Variants in PCDHGA12 observed in about 807,000 individuals in gnomAD.
The protein encoded by PCDHGA12 is protocadherin gamma-A12.
In PCDHGA12, 43 loss-of-function variants were observed where a neutral mutation model predicts 61.1. The ratio of observed to expected loss-of-function variants is 0.70; its 90% CI spans 0.55 to 0.91. PCDHGA12 has a LOEUF of 0.91. PCDHGA12 is among the 40% of genes least tolerant of loss of function. The pLI is 0.00. For synonymous variants in PCDHGA12, 520 were observed against 542.9 expected (o/e 0.96, Z 0.59); for missense variants, 1,236 against 1,227.7 (o/e 1.01, Z -0.10).
chr5:141,489,994 C>A lies in PCDHGA12; in HGVS notation c.2425-4813C>A, dbSNP rs1307285048. The A allele has an allele frequency of 1.2e-5, 19 of 1,614,192 alleles. No individual in the cohort carries two copies. The highest frequency in any genetic ancestry group is 1.6e-4 in the Middle Eastern group (1 of 6,062). On this transcript the variant is annotated intron_variant, in intron 1 of 3. Transcript: ENST00000252085. This position sits in a 1 kb window ranked among gnomAD's most constrained non-coding sequence, Gnocchi z 4.5. Reference sequence around the variant, plus strand: ...ATCCTCAGTTCTACGTGTGGGAATCCCAGAGAATGCACCCATTGGTACTCT... The same window carrying A: ...ATCCTCAGTTCTACGTGTGGGAATCACAGAGAATGCACCCATTGGTACTCT...
intron 1 of PCDHGA12, among the ~76,000 whole-genome samples, chr5:141,457,415 C>T (rs185690067): frequency 3.9e-4 from 60 of 152,300 alleles, no homozygotes; most frequent in African/African-American, 1.3e-3. Flanking sequence ...CATTACCCAT[C>T]CCTTTTTCCC....
chr5:141,478,481 C>A, intron 1 of PCDHGA12: 1 of 1,613,576 alleles, frequency 6.2e-7, no homozygotes, highest in South Asian at 1.1e-5. Flanking sequence ...CCAGAACACG[C>A]TGCGGAGCTG....
chr5:141,458,674 A>G (rs1315462699), intron 1 of PCDHGA12, among the ~76,000 whole-genome samples: 1 of 152,104 alleles, frequency 6.6e-6, no homozygotes, highest in East Asian at 1.9e-4. Flanking sequence ...GGTTCAAGCA[A>G]TTCTACTGCC....
Position 141,489,552 on chromosome 5 carries a change from G to T in PCDHGA12, c.2425-5255G>T, listed in dbSNP as rs2099688780. ...GTGGAGCCAGCACCAGCTGCCTGCTGCCAGTGCAGGTGGTGACTGAACACC... is the reference window on the plus strand; with the variant it reads ...GTGGAGCCAGCACCAGCTGCCTGCTTCCAGTGCAGGTGGTGACTGAACACC... On this transcript the variant is annotated intron_variant, in intron 1 of 3. Coordinates refer to ENST00000252085, the MANE Select transcript of PCDHGA12 (RefSeq NM_003735.3). The surrounding 1 kb of genome is among the most constrained non-coding windows in gnomAD (Gnocchi z 4.5). The T allele has an allele frequency of 6.2e-7, 1 of 1,613,988 alleles. No homozygotes were observed. The highest frequency in any genetic ancestry group is 1.7e-5 in the Admixed American group (1 of 60,000).
chr5:141,469,404 G>A (rs1439441297), intron 1 of PCDHGA12, among the ~76,000 whole-genome samples: 7 of 151,874 alleles, frequency 4.6e-5, no homozygotes, highest in African/African-American at 1.5e-4. Flanking sequence ...GTGAAACCCC[G>A]TTTCTACTAA....
intron 1 of PCDHGA12, among the ~76,000 whole-genome samples, chr5:141,483,340 C>T (rs906468552): frequency 5.9e-5 from 9 of 152,036 alleles, no homozygotes; most frequent in Non-Finnish European, 1.2e-4. Flanking sequence ...GATCTTATCT[C>T]TTTGCAATAG....
intron 1 of PCDHGA12, among the ~76,000 whole-genome samples, chr5:141,458,248 G>A (rs173682): frequency 3.3e-5 from 5 of 152,112 alleles, no homozygotes; most frequent in African/African-American, 9.7e-5. Flanking sequence ...AAAATGATAC[G>A]GCTCTGATGA....
chr5:141,487,684 C>G lies in PCDHGA12; in HGVS notation c.2425-7123C>G. On this transcript the variant is annotated intron_variant, in intron 1 of 3. Coordinates refer to ENST00000252085, the MANE Select transcript of PCDHGA12 (RefSeq NM_003735.3). The surrounding 1 kb of genome is among the most constrained non-coding windows in gnomAD (Gnocchi z 5.0). ...ATCCAGGCATATGGCTAGGCCATGT[C>G]CTAGAGAGTACTGGCCTCTCAGTAA... is the stretch of plus-strand genomic sequence containing the variant. The G allele has an allele frequency of 6.2e-7, 1 of 1,607,562 alleles. No individual in the cohort carries two copies. Among genetic ancestry groups the G allele is most frequent in the East Asian group, 2.2e-5 (1 of 44,768 alleles).
intron 2 of PCDHGA12, among the ~76,000 whole-genome samples, chr5:141,502,048 ACTTTATTCC>A (rs1055762924): frequency 6.6e-5 from 10 of 151,746 alleles, no homozygotes; most frequent in African/African-American, 2.4e-4. Context: ...TGCTCTCCCT[ACTTTATTCC>A]CATTAGCCCC....
At position 141,511,399 on chromosome 5, in the gene PCDHGA12, A is replaced by C; in HGVS notation, c.*226A>C. 1.0e-6 allele frequency: 1 copy of C among 987,714 alleles called. No homozygotes were observed. The highest frequency in any genetic ancestry group is 1.4e-6 in the Non-Finnish European group (1 of 693,342). The allele number at this position is 987,714 out of a possible 1,614,324, so 61.2% of individuals were successfully genotyped here. ...CAGTTCCGCTGGGAACCCCCATCCA[A>C]TCAACTGCTGTACCCATGGGGGTAG... On this transcript the variant is annotated 3_prime_UTR_variant, in exon 4 of 4. Transcript: ENST00000252085.
intron 1 of PCDHGA12, among the ~76,000 whole-genome samples, chr5:141,455,201 CAATAAGAGTTTTT>C (rs1373301624): frequency 6.6e-6 from 1 of 151,722 alleles, no homozygotes; most frequent in Non-Finnish European, 1.5e-5. Flanking sequence ...AATTTACAAC[CAATAAGAGTTTTT>C]AATGCTTTGA....
intron 1 of PCDHGA12, among the ~76,000 whole-genome samples, chr5:141,463,377 G>T (rs1161419035): frequency 2.7e-5 from 4 of 147,358 alleles, no homozygotes; most frequent in Non-Finnish European, 3.0e-5. Flanking sequence ...CCCACAGTCT[G>T]AAAGTTGTCT....
Position 141,477,898 on chromosome 5 carries a change from A to G in PCDHGA12, c.2425-16909A>G. 1 of 1,614,158 alleles carries G rather than the reference A, an allele frequency of 6.2e-7. No homozygotes were observed. Among genetic ancestry groups the G allele is most frequent in the Middle Eastern group, 1.6e-4 (1 of 6,062 alleles). ...CTGGCCACCTAGTGTCACGGGTGGTAGGCTGGGACGCGGATGCAGGGCACA... is the reference window on the plus strand; with the variant it reads ...CTGGCCACCTAGTGTCACGGGTGGTGGGCTGGGACGCGGATGCAGGGCACA... On this transcript the variant is annotated intron_variant, in intron 1 of 3. Coordinates refer to ENST00000252085, the MANE Select transcript of PCDHGA12 (RefSeq NM_003735.3). This position sits in a 1 kb window ranked among gnomAD's most constrained non-coding sequence, Gnocchi z 4.9.
intron 1 of PCDHGA12, among the ~76,000 whole-genome samples, chr5:141,450,006 C>CTATTTT (rs70988802): frequency 0.12 from 16,177 of 132,696 alleles, 1,810 homozygotes; most frequent in African/African-American, 0.21. Flanking sequence ...TGCCATGTCT[C>CTATTTT]TTTTTTTTTT....
chr5:141,502,634 T>C (rs1306951640), intron 2 of PCDHGA12, among the ~76,000 whole-genome samples: 1 of 152,228 alleles, frequency 6.6e-6, no homozygotes. Flanking sequence ...CTGTGGATGA[T>C]ACTTTGAGAT....
chr5:141,488,711 A>G (rs184498001), intron 1 of PCDHGA12, among the ~76,000 whole-genome samples: 100 of 152,290 alleles, frequency 6.6e-4, no homozygotes, highest in Non-Finnish European at 1.2e-3. Context: ...TGCTGGTTCA[A>G]GCAAAGTGGT....
chr5:141,477,223 T>C lies in PCDHGA12; in HGVS notation c.2425-17584T>C. The C allele has an allele frequency of 6.2e-7, 1 of 1,614,198 alleles. No homozygotes were observed. On this transcript the variant is annotated intron_variant, in intron 1 of 3. Coordinates refer to ENST00000252085, the MANE Select transcript of PCDHGA12 (RefSeq NM_003735.3). This position sits in a 1 kb window ranked among gnomAD's most constrained non-coding sequence, Gnocchi z 4.9. ...TACCCGAGGATGCCCCTCTGGGGAC[T>C]GTCATCGCTTTGCTCAGTGTGACTG... is the stretch of plus-strand genomic sequence containing the variant.
chr5:141,507,691 A>G (rs777728143), intron 3 of PCDHGA12, among the ~76,000 whole-genome samples: 72 of 152,198 alleles, frequency 4.7e-4, no homozygotes, highest in Non-Finnish European at 6.8e-4. Context: ...CAGAAATGAA[A>G]TCAGTATTTA....
chr5:141,441,813 A>T, intron 1 of PCDHGA12: 1 of 365,242 alleles, frequency 2.7e-6, no homozygotes, highest in South Asian at 2.3e-5. Context: ...GCTGTACCCC[A>T]GCTCTGGAGC....
Sources: allele counts gnomAD v4.1 joint callset (sites outside exome capture counted in the v4.1 genomes callset), GRCh38; gene constraint gnomAD v4.1.1; non-coding constraint Gnocchi (gnomAD v3.1); transcripts MANE v1.5; gene names NCBI Gene and HGNC (gene_info 2026-07-23, HGNC 2026-07-21).